NDEL1: variants seen among roughly 807,000 people sequenced by gnomAD.
The protein encoded by NDEL1 is nuclear distribution protein nudE-like 1.
NDEL1 carries 9 observed loss-of-function variants against 45.7 expected under a neutral mutation model. That is an observed-to-expected ratio of 0.20 (90% CI 0.12 to 0.34). NDEL1 has a LOEUF of 0.34. Ranked by LOEUF, NDEL1 falls within the 10% of genes least tolerant of loss-of-function variation. The pLI, the probability that NDEL1 is intolerant of heterozygous loss-of-function variation, is 1.00. For missense variants in NDEL1, 306 were observed against 406.2 expected (o/e 0.75, Z 2.12); for synonymous variants, 133 against 158.6 (o/e 0.84, Z 1.21).
intron 8 of NDEL1, chr17:8,466,355 C>T (rs1435578959): frequency 6.5e-6 from 1 of 152,876 alleles, no homozygotes; most frequent in East Asian, 1.9e-4. Flanking sequence ...TTTATTTATA[C>T]ACACTCCCCC....
chr17:8,440,947 T>C (rs777061135), intron 1 of NDEL1, among the ~76,000 whole-genome samples: 1 of 152,204 alleles, frequency 6.6e-6, no homozygotes, highest in Non-Finnish European at 1.5e-5. Context: ...CAATCCTAAC[T>C]CTTTTCGTAG....
downstream of NDEL1, among the ~76,000 whole-genome samples, chr17:8,472,741 TAA>T (rs941298061): frequency 2.6e-5 from 4 of 151,424 alleles, no homozygotes; most frequent in Admixed American, 6.6e-5. Flanking sequence ...AGAAAATAAA[TAA>T]AAACAACAAC....
intron 1 of NDEL1, among the ~76,000 whole-genome samples, chr17:8,415,717 T>C (rs1908532347): frequency 6.6e-6 from 1 of 151,102 alleles, no homozygotes; most frequent in Non-Finnish European, 1.5e-5. Context: ...GACACCTATT[T>C]TCCATTTTTA....
At chr17:8,427,198 G>A (rs961781016) in intron 1 of NDEL1, among the ~76,000 whole-genome samples, 2 of 152,232 alleles carry the variant, frequency 1.3e-5, no homozygotes, top group Non-Finnish European at 2.9e-5. Context: ...TGAGGTTTGG[G>A]AGTCTGAGCT....
intron 1 of NDEL1, among the ~76,000 whole-genome samples, chr17:8,426,976 G>A (rs1182567807): frequency 6.6e-6 from 1 of 152,168 alleles, no homozygotes; most frequent in Non-Finnish European, 1.5e-5. Flanking sequence ...GCTACACCTG[G>A]CGGCCTGCAC....
intron 3 of NDEL1, among the ~76,000 whole-genome samples, chr17:8,473,967 TG>T (rs1361080599): frequency 6.6e-6 from 1 of 152,202 alleles, no homozygotes. Context: ...CCTTGACAGG[TG>T]GGCCAGCTCC....
chr17:8,424,622 CT>C, intron 1 of NDEL1, among the ~76,000 whole-genome samples: 1 of 152,338 alleles, frequency 6.6e-6, no homozygotes, highest in Middle Eastern at 3.4e-3. Context: ...CTGCCTCAGC[CT>C]CCTGAGTAGC....
chr17:8,463,061 C>G (rs1911321483), intron 8 of NDEL1: 1 of 313,848 alleles, frequency 3.2e-6, no homozygotes, highest in Admixed American at 5.3e-5. Context: ...CGAGCTGTTT[C>G]CTTCAACCAT....
At chr17:8,457,993 G>A (rs1910953234) in intron 7 of NDEL1, among the ~76,000 whole-genome samples, 1 of 152,050 alleles carries the variant, frequency 6.6e-6, no homozygotes, top group South Asian at 2.1e-4. Context: ...AAAGCTTCTT[G>A]AAAGCGTGTC....
Position 8,467,100 on chromosome 17 carries a change from G to T in NDEL1, c.*77G>T. On this transcript the variant is annotated 3_prime_UTR_variant, in exon 9 of 9. Transcript: ENST00000334527. This position sits in a 1 kb window ranked among gnomAD's most constrained non-coding sequence, Gnocchi z 6.3. ...CCCACGCCTCACCCCTCGGTGCCTGGGCCCAGCCCCGTGCCCCTCCGTCTG... is the reference window on the plus strand; with the variant it reads ...CCCACGCCTCACCCCTCGGTGCCTGTGCCCAGCCCCGTGCCCCTCCGTCTG... 1 of 1,459,326 alleles carries T rather than the reference G, an allele frequency of 6.9e-7. No homozygotes were observed. The highest frequency in any genetic ancestry group is 1.2e-5 in the South Asian group (1 of 86,524). The allele number at this position is 1,459,326 out of a possible 1,614,324, so 90.4% of individuals were successfully genotyped here. A position where few individuals can be genotyped will look rare whatever the true frequency, so the allele number is the denominator to read the frequency against.
upstream of NDEL1, among the ~76,000 whole-genome samples, chr17:8,432,336 TA>T (rs1293600871): frequency 8.3e-4 from 64 of 77,024 alleles, 3 homozygotes; most frequent in East Asian, 4.2e-3. Context: ...TAAATATATA[TA>T]TTATATATAA....
chr17:8,427,707 C>T (rs1364656853), intron 1 of NDEL1, among the ~76,000 whole-genome samples: 1 of 151,882 alleles, frequency 6.6e-6, no homozygotes, highest in Non-Finnish European at 1.5e-5. Flanking sequence ...GACTCTGTCT[C>T]AAAACAAAAA....
At chr17:8,449,183 A>G (rs575887390) in intron 5 of NDEL1, among the ~76,000 whole-genome samples, 218 of 152,234 alleles carry the variant, frequency 1.4e-3, no homozygotes, top group African/African-American at 5.1e-3. Context: ...GGATTTCACC[A>G]TATTGGCCAG....
rs938771039 is a variant in NDEL1 at position 8,451,356 on chromosome 17, T to G, written c.700+403T>G. On this transcript the variant is annotated intron_variant, in intron 6 of 8. Coordinates refer to ENST00000334527, the MANE Select transcript of NDEL1 (RefSeq NM_030808.5). ...TTTTCTATTGTGTGCTTGTGTGTGTTTGTGCACATCTCTTTGTCACATGCA... is the reference window on the plus strand; with the variant it reads ...TTTTCTATTGTGTGCTTGTGTGTGTGTGTGCACATCTCTTTGTCACATGCA... 3.3e-5 allele frequency among the ~76,000 whole-genome samples: 5 copies of G among 152,244 alleles called. No individual in the cohort carries two copies. The East Asian group carries it at 9.6e-4, about 29-fold the overall frequency.
At chr17:8,419,297 G>T (rs559687876) in intron 1 of NDEL1, among the ~76,000 whole-genome samples, 1 of 151,974 alleles carries the variant, frequency 6.6e-6, no homozygotes, top group Non-Finnish European at 1.5e-5. Flanking sequence ...GGAAAATACT[G>T]ATAAACACAA....
intron 1 of NDEL1, among the ~76,000 whole-genome samples, chr17:8,428,908 T>C (rs174899): frequency 0.028 from 4,191 of 150,270 alleles, 79 homozygotes; most frequent in Non-Finnish European, 0.042. Context: ...CTCCTGACCT[T>C]GTGATCTGCC....
chr17:8,423,214 C>A (rs77039971), intron 1 of NDEL1, among the ~76,000 whole-genome samples: 3 of 152,104 alleles, frequency 2.0e-5, no homozygotes, highest in East Asian at 3.8e-4. Context: ...AGTGACCCCC[C>A]CTAGAGAAGC....
intron 1 of NDEL1, among the ~76,000 whole-genome samples, chr17:8,416,443 A>T (rs547770139): frequency 1.2e-3 from 176 of 152,256 alleles, no homozygotes; most frequent in Non-Finnish European, 2.1e-3. Context: ...GTCTGGCTTG[A>T]TTTAGAATAC....
intron 6 of NDEL1, among the ~76,000 whole-genome samples, chr17:8,452,699 T>C (rs1910584924): frequency 6.6e-6 from 1 of 150,680 alleles, no homozygotes. Flanking sequence ...CTTTCTTTCT[T>C]TTTCTTTCTT....
Sources: allele counts gnomAD v4.1 joint callset (sites outside exome capture counted in the v4.1 genomes callset), GRCh38; gene constraint gnomAD v4.1.1; non-coding constraint Gnocchi (gnomAD v3.1); transcripts MANE v1.5; gene names NCBI Gene and HGNC (gene_info 2026-07-23, HGNC 2026-07-21).